SLC44A5: variants seen among roughly 807,000 people sequenced by gnomAD.
SLC44A5 encodes the protein choline transporter-like protein 5.
SLC44A5 carries 57 observed loss-of-function variants against 101.8 expected under a neutral mutation model. The ratio of observed to expected loss-of-function variants is 0.56; its 90% confidence interval spans 0.45 to 0.70. The LOEUF (loss-of-function observed/expected upper bound fraction) is 0.70. SLC44A5 is among the 30% of genes least tolerant of loss of function. The pLI is 0.00. For missense variants in SLC44A5, 737 were observed against 853.1 expected (o/e 0.86, Z 1.70); for synonymous variants, 281 against 290.9 (o/e 0.97, Z 0.35).
chr1:75,308,089 A>C (rs945816460), intron 4 of SLC44A5, among the ~76,000 whole-genome samples: 1 of 152,346 alleles, frequency 6.6e-6, no homozygotes, highest in African/African-American at 2.4e-5. Context: ...TTGTAGGATT[A>C]TTATTTTTAA....
intron 2 of SLC44A5, among the ~76,000 whole-genome samples, chr1:75,477,599 A>C (rs935112575): frequency 1.3e-5 from 2 of 152,238 alleles, no homozygotes; most frequent in African/African-American, 4.8e-5. Context: ...GAACTACGTG[A>C]AGAATGCAGA....
At chr1:75,619,279 A>G in the SLC44A5 span, among the ~76,000 whole-genome samples, 7 of 151,538 alleles carry the variant, frequency 4.6e-5, no homozygotes, top group African/African-American at 1.7e-4. Flanking sequence ...AAGAAAGAAA[A>G]GGTGCTGTAA....
chr1:75,541,096 G>T (rs1252329009), intron 2 of SLC44A5, among the ~76,000 whole-genome samples: 2 of 152,104 alleles, frequency 1.3e-5, no homozygotes, highest in Admixed American at 1.3e-4. Flanking sequence ...TGAGGGAGAG[G>T]GGGCAACGCT....
chr1:75,298,991 T>C (rs997484025), intron 5 of SLC44A5, among the ~76,000 whole-genome samples: 2 of 152,182 alleles, frequency 1.3e-5, no homozygotes, highest in South Asian at 2.1e-4. Context: ...GCTGAAACTC[T>C]AGATGTGCCT....
At chr1:75,632,888 G>A in the SLC44A5 span, among the ~76,000 whole-genome samples, 2 of 152,124 alleles carry the variant, frequency 1.3e-5, no homozygotes, top group African/African-American at 2.4e-5. Flanking sequence ...AAATCAATTA[G>A]TGTCTGCAAA....
At chr1:75,646,572 C>A in the SLC44A5 span, among the ~76,000 whole-genome samples, 2 of 152,110 alleles carry the variant, frequency 1.3e-5, no homozygotes, top group African/African-American at 2.4e-5. Flanking sequence ...GTAATCCCCA[C>A]ATGTTGCAGG....
chr1:75,689,050 T>C, the SLC44A5 span, among the ~76,000 whole-genome samples: 1 of 152,298 alleles, frequency 6.6e-6, no homozygotes, highest in East Asian at 1.9e-4. Flanking sequence ...ACCCTGACTC[T>C]CAGTATTTGC....
intron 3 of SLC44A5, among the ~76,000 whole-genome samples, chr1:75,356,612 G>C (rs2101094599): frequency 6.6e-6 from 1 of 152,090 alleles, no homozygotes; most frequent in South Asian, 2.1e-4. Flanking sequence ...AATAAATTTA[G>C]TGTAAACTAA....
chr1:75,502,651 C>T (rs1253644293), intron 2 of SLC44A5, among the ~76,000 whole-genome samples: 1 of 151,418 alleles, frequency 6.6e-6, no homozygotes, highest in Non-Finnish European at 1.5e-5. Flanking sequence ...TGTGCTGCAC[C>T]CATTAACTGG....
rs368115491 is a variant in SLC44A5 at position 75,524,171 on chromosome 1, TC to T, written c.13+17263del. On this transcript the variant is annotated intron_variant, in intron 2 of 23. Coordinates refer to ENST00000370859, the MANE Select transcript of SLC44A5 (RefSeq NM_001130058.2). ...TGATAGTGAGTGAGTTCTCACAAGATCTGGTTGTTTAAAAGTGTGTGGCACT... is the reference window on the plus strand; with the variant it reads ...TGATAGTGAGTGAGTTCTCACAAGATTGGTTGTTTAAAAGTGTGTGGCACT... 6.0e-3 allele frequency among the ~76,000 whole-genome samples: 906 copies of T among 152,230 alleles called. 4 individuals are homozygous for T. Among genetic ancestry groups the T allele is most frequent in the African/African-American group, 0.021 (869 of 41,548 alleles).
the SLC44A5 span, among the ~76,000 whole-genome samples, chr1:75,640,011 G>T: frequency 6.6e-6 from 1 of 151,952 alleles, no homozygotes; most frequent in Non-Finnish European, 1.5e-5. Context: ...TTTTTAGGTC[G>T]TTGTACTGAA....
At chr1:75,412,352 G>A (rs1255690736) in intron 2 of SLC44A5, among the ~76,000 whole-genome samples, 1 of 152,116 alleles carries the variant, frequency 6.6e-6, no homozygotes, top group East Asian at 1.9e-4. Context: ...GGAACAATTT[G>A]TGACCAAGTG....
intron 1 of SLC44A5, among the ~76,000 whole-genome samples, chr1:75,578,035 C>G (rs1187177974): frequency 1.3e-5 from 2 of 152,024 alleles, no homozygotes; most frequent in Non-Finnish European, 2.9e-5. Flanking sequence ...ATTAAAAACT[C>G]ATGACTATCA....
At chr1:75,399,851 C>T (rs1662364139) in intron 2 of SLC44A5, among the ~76,000 whole-genome samples, 1 of 152,118 alleles carries the variant, frequency 6.6e-6, no homozygotes, top group Non-Finnish European at 1.5e-5. Flanking sequence ...AAGCAATCTA[C>T]AGATCTTTTT....
At chr1:75,426,921 G>T (rs1451501631) in intron 2 of SLC44A5, among the ~76,000 whole-genome samples, 2 of 152,232 alleles carry the variant, frequency 1.3e-5, no homozygotes, top group Non-Finnish European at 2.9e-5. Context: ...ATCTTTCAGC[G>T]CTGGTGCAGC....
chr1:75,436,405 G>C (rs1055176588), intron 2 of SLC44A5, among the ~76,000 whole-genome samples: 1 of 151,842 alleles, frequency 6.6e-6, no homozygotes, highest in Admixed American at 6.6e-5. Context: ...CTTTCAATTG[G>C]TAACACAATA....
intron 2 of SLC44A5, among the ~76,000 whole-genome samples, chr1:75,453,122 C>T (rs1054969635): frequency 3.9e-5 from 6 of 152,070 alleles, no homozygotes; most frequent in Admixed American, 6.6e-5. Context: ...TAATCCAAGA[C>T]GGACCACATT....
At chr1:75,667,319 C>A in the SLC44A5 span, among the ~76,000 whole-genome samples, 1 of 152,076 alleles carries the variant, frequency 6.6e-6, no homozygotes, top group African/African-American at 2.4e-5. Flanking sequence ...AGTGAACTCC[C>A]ATTCACAATT....
At chr1:75,369,874 G>A (rs2101162390) in intron 3 of SLC44A5, among the ~76,000 whole-genome samples, 2 of 152,272 alleles carry the variant, frequency 1.3e-5, no homozygotes, top group South Asian at 4.2e-4. Flanking sequence ...GTTTCCAGCT[G>A]GAAGTTTTCC....
Sources: allele counts gnomAD v4.1 joint callset (sites outside exome capture counted in the v4.1 genomes callset), GRCh38; gene constraint gnomAD v4.1.1; transcripts MANE v1.5; gene names NCBI Gene and HGNC (gene_info 2026-07-23, HGNC 2026-07-21).